Variants in FAM83G observed in about 807,000 individuals in gnomAD.
The protein encoded by FAM83G is scaffolding CK1 anchoring protein G.
Under a neutral mutation model 61.5 loss-of-function variants are expected in FAM83G, and 38 were observed. The ratio of observed to expected loss-of-function variants is 0.62; its 90% confidence interval spans 0.48 to 0.81. The LOEUF is 0.81. Ranked by LOEUF, FAM83G falls within the 30% of genes least tolerant of loss-of-function variation. The pLI is 0.00. For missense variants in FAM83G, 989 were observed against 1,133.6 expected (o/e 0.87, Z 1.83); for synonymous variants, 470 against 476.1 (o/e 0.99, Z 0.17).
At chr17:19,005,649 C>A (rs1299004147), upstream of FAM83G, among the ~76,000 whole-genome samples, 1 of 151,642 alleles carries the variant, frequency 6.6e-6, no homozygotes, top group Non-Finnish European at 1.5e-5. Context: ...GCCCTCAAAC[C>A]CCCCCCCTCC....
chr17:18,995,759 T>C (rs1415322625), intron 2 of FAM83G, among the ~76,000 whole-genome samples: 1 of 151,782 alleles, frequency 6.6e-6, no homozygotes, highest in African/African-American at 2.4e-5. Context: ...AATACAAAAA[T>C]TAGCAGGGCA....
intron 3 of FAM83G, among the ~76,000 whole-genome samples, chr17:18,984,932 G>A (rs143393939): frequency 6.6e-6 from 1 of 152,360 alleles, no homozygotes; most frequent in East Asian, 1.9e-4. Context: ...GGAATGGCTG[G>A]GAGCCCCACA....
At chr17:19,004,831 C>A (rs528707225), upstream of FAM83G, 2 of 151,854 alleles carry the variant, frequency 1.3e-5, no homozygotes, top group South Asian at 2.1e-4. The surrounding 1 kb of genome is among the most constrained non-coding windows in gnomAD (Gnocchi z 5.4). Flanking sequence ...CCTGCGGTCA[C>A]GTGCCGCCCG....
At chr17:18,989,340 AG>A (rs1466126628) in intron 2 of FAM83G, among the ~76,000 whole-genome samples, 1 of 152,176 alleles carries the variant, frequency 6.6e-6, no homozygotes, top group African/African-American at 2.4e-5. Flanking sequence ...GCGGAGATTC[AG>A]GGTGGTGGAG....
intron 2 of FAM83G, among the ~76,000 whole-genome samples, chr17:18,995,971 C>T (rs1037212774): frequency 3.3e-5 from 5 of 150,100 alleles, no homozygotes; most frequent in African/African-American, 1.2e-4. Context: ...AAAACTATAC[C>T]AACGCACATC....
chr17:18,989,855 C>G (rs2043367485), intron 2 of FAM83G, among the ~76,000 whole-genome samples: 1 of 152,188 alleles, frequency 6.6e-6, no homozygotes, highest in African/African-American at 2.4e-5. Context: ...GCAAGTTGGG[C>G]CAGGGCCTGG....
intron 3 of FAM83G, among the ~76,000 whole-genome samples, chr17:18,981,416 C>T (rs2043129531): frequency 6.6e-6 from 1 of 152,126 alleles, no homozygotes; most frequent in Non-Finnish European, 1.5e-5. Context: ...GGCCCTGGGG[C>T]CAGTAGGGAG....
At chr17:18,994,426 C>T (rs538436213) in intron 2 of FAM83G, among the ~76,000 whole-genome samples, 24 of 152,176 alleles carry the variant, frequency 1.6e-4, no homozygotes, top group African/African-American at 5.8e-4. Flanking sequence ...GACGGAGTGC[C>T]GCAGGGGAGA....
At chr17:18,998,078 C>G (rs1310957060) in intron 2 of FAM83G, among the ~76,000 whole-genome samples, 1 of 152,216 alleles carries the variant, frequency 6.6e-6, no homozygotes, top group Non-Finnish European at 1.5e-5. Flanking sequence ...CACCACCCCA[C>G]ATGGCATTTA....
Position 18,978,360 on chromosome 17 carries a change from T to A in FAM83G, c.1306A>T (p.Ile436Phe). The A allele has an allele frequency of 3.1e-6, 5 of 1,597,840 alleles. No homozygotes were observed. Among genetic ancestry groups the A allele is most frequent in the Non-Finnish European group, 4.3e-6 (5 of 1,172,578 alleles). ...LGYINIIDPNIWNPQPSQMNR... is the reference protein window; with the variant it reads ...LGYINIIDPNFWNPQPSQMNR... ...ATCTGGCTGGGCTGGGGGTTCCAGATGTTGGGGTCGATGATATTGATGTAG... is the reference window on the plus strand; with the variant it reads ...ATCTGGCTGGGCTGGGGGTTCCAGAAGTTGGGGTCGATGATATTGATGTAG... The change falls in exon 5 of 6, where the codon ATC (isoleucine) becomes TTC (phenylalanine). Residue 436 changes from isoleucine to phenylalanine, a missense_variant. By Grantham distance (21) the Ile-to-Phe change is conservative. Transcript: ENST00000388995.
At chr17:18,974,945 G>A (rs993655199) in intron 5 of FAM83G, among the ~76,000 whole-genome samples, 1 of 152,150 alleles carries the variant, frequency 6.6e-6, no homozygotes, top group Non-Finnish European at 1.5e-5. Context: ...GTCAGGGGTG[G>A]GGAAAGCCCC....
Position 18,988,965 on chromosome 17 carries a change from G to C in FAM83G, c.523-551C>G, listed in dbSNP as rs922345739. Among the ~76,000 whole-genome samples the C allele has an allele frequency of 6.8e-4, 103 of 152,366 alleles. 1 individual carries two copies. Among genetic ancestry groups the C allele is most frequent in the African/African-American group, 2.4e-3 (100 of 41,592 alleles). On this transcript the variant is annotated intron_variant, in intron 2 of 5. Coordinates refer to ENST00000388995, the MANE Select transcript of FAM83G (RefSeq NM_001039999.3). The stretch of plus-strand genomic sequence containing the variant: ...GCAGGGGGCCTGGCTGAGTGAAGGT[G>C]CAAGGTGGAACATGCAGAAGGACAG...
chr17:19,001,800 C>T (rs1299302443), intron 2 of FAM83G, among the ~76,000 whole-genome samples: 13 of 152,288 alleles, frequency 8.5e-5, no homozygotes, highest in Admixed American at 5.2e-4. Flanking sequence ...CATCGCTGGG[C>T]GGGGGATCTG....
intron 4 of FAM83G, 37 bp downstream of exon 4, chr17:18,979,512 A>C: frequency 1.2e-6 from 2 of 1,608,796 alleles, no homozygotes; most frequent in Non-Finnish European, 1.7e-6. Context: ...AGCCAGAGGT[A>C]CCTCTCGCAC....
At chr17:18,989,272 C>T (rs952887629) in intron 2 of FAM83G, among the ~76,000 whole-genome samples, 6 of 151,736 alleles carry the variant, frequency 4.0e-5, no homozygotes, top group Admixed American at 6.6e-5. Flanking sequence ...AAGCTGGGGA[C>T]AGAGTCAGGC....
Position 18,970,651 on chromosome 17 carries a change from T to A in FAM83G, c.*708A>T, listed in dbSNP as rs2042819362. 3.5e-6 allele frequency: 1 copy of A among 287,022 alleles called. No individual in the cohort carries two copies. 17.8% of individuals were successfully genotyped at this position (287,022 alleles called of 1,614,324 possible). On this transcript the variant is annotated 3_prime_UTR_variant, in exon 6 of 6. Transcript: ENST00000388995. ...AAGGTCCTCAAATGTCAAGAAAAAT[T>A]ACTTTTGCTTCCTTGAATCGACAAT...
rs775941601 is a variant in FAM83G at position 19,003,885 on chromosome 17, C to A, written c.157G>T (p.Glu53Ter). ...TCCGAGAGGAAGTCTCGGATGTTCT[C>A]CCGCTTGAGCACCTCGTAGAAGGCG... ...RDAFYEVLKR[E>*]NIRDFLSELE... is the part of the protein sequence containing the mutation. The change falls in exon 2 of 6, where the codon GAG becomes TAG. Residue 53 changes from glutamate to a stop codon, truncating the protein, a stop_gained. Coordinates refer to ENST00000388995, the MANE Select transcript of FAM83G (RefSeq NM_001039999.3). LOFTEE classifies it high-confidence loss of function. The surrounding 1 kb of genome is among the most constrained non-coding windows in gnomAD (Gnocchi z 4.5). 3 of 1,612,940 alleles carry A rather than the reference C, an allele frequency of 1.9e-6. No homozygotes were observed. The South Asian group carries it at 3.3e-5, about 18-fold the overall frequency.
At chr17:19,001,082 G>A (rs926478418) in intron 2 of FAM83G, among the ~76,000 whole-genome samples, 2 of 152,154 alleles carry the variant, frequency 1.3e-5, no homozygotes, top group South Asian at 2.1e-4. Context: ...CTTGGGCAGC[G>A]ACTAACCAGT....
intron 3 of FAM83G, 90 bp downstream of exon 3, chr17:18,988,157 G>A (rs762149743): frequency 1.9e-4 from 293 of 1,532,738 alleles, no homozygotes; most frequent in Non-Finnish European, 2.4e-4. Context: ...ACAGGACTCC[G>A]TCCAGAGCAG....
Sources: gnomAD v4.1 joint callset for allele counts (sites outside exome capture counted in the v4.1 genomes callset) on GRCh38, gnomAD v4.1.1 for gene constraint, Gnocchi (gnomAD v3.1) non-coding constraint, MANE v1.5 for transcripts, NCBI Gene and HGNC (gene_info 2026-07-23, HGNC 2026-07-21) for gene names.